The following PTPRM variants were observed in gnomAD, a reference collection of about 807,000 sequenced individuals.
PTPRM encodes the protein receptor-type tyrosine-protein phosphatase mu.
A neutral mutation model predicts 186.7 loss-of-function variants in PTPRM; 47 were observed. The ratio of observed to expected loss-of-function variants is 0.25; its 90% CI spans 0.20 to 0.32. The LOEUF is 0.32. PTPRM is among the 10% of genes least tolerant of loss of function. The pLI, the probability that PTPRM is intolerant of heterozygous loss-of-function variation, is 1.00. For synonymous variants in PTPRM, 668 were observed against 674.9 expected, an observed-to-expected ratio of 0.99 and a Z score of 0.16; for missense variants, 1,494 against 1,865.0, an observed-to-expected ratio of 0.80 and a Z score of 3.66.
intron 3 of PTPRM, among the ~76,000 whole-genome samples, chr18:7,898,459 T>C (rs745963551): frequency 1.3e-5 from 2 of 152,202 alleles, no homozygotes; most frequent in Non-Finnish European, 2.9e-5. Flanking sequence ...GAGGCTGTGG[T>C]GTTAAACTGC....
At chr18:8,008,471 A>G in intron 7 of PTPRM, among the ~76,000 whole-genome samples, 1 of 152,196 alleles carries the variant, frequency 6.6e-6, no homozygotes, top group Non-Finnish European at 1.5e-5. Flanking sequence ...TTATGAATAG[A>G]TAATTAAAGA....
intron 1 of PTPRM, among the ~76,000 whole-genome samples, chr18:7,603,471 G>C (rs2037456673): frequency 6.6e-6 from 1 of 152,204 alleles, no homozygotes; most frequent in South Asian, 2.1e-4. Flanking sequence ...GTTTGGCCTT[G>C]ACTCTTCTTC....
At chr18:8,039,620 A>C (rs2148147146) in intron 7 of PTPRM, among the ~76,000 whole-genome samples, 1 of 152,306 alleles carries the variant, frequency 6.6e-6, no homozygotes, top group Admixed American at 6.5e-5. Context: ...GGCTACGTTA[A>C]GCAAAATGAT....
At chr18:7,640,260 T>C (rs180679305) in intron 1 of PTPRM, among the ~76,000 whole-genome samples, 5 of 152,294 alleles carry the variant, frequency 3.3e-5, no homozygotes, top group African/African-American at 1.2e-4. Context: ...GAAAGAAACT[T>C]CCAGTGTCCA....
At chr18:7,603,015 C>T (rs1259463580) in intron 1 of PTPRM, among the ~76,000 whole-genome samples, 1 of 151,380 alleles carries the variant, frequency 6.6e-6, no homozygotes. Flanking sequence ...ACAAGCTCCA[C>T]CTCCTGGGTT....
intron 1 of PTPRM, among the ~76,000 whole-genome samples, chr18:7,623,000 C>A (rs895330349): frequency 2.0e-5 from 3 of 152,056 alleles, no homozygotes; most frequent in African/African-American, 7.2e-5. Flanking sequence ...CTTTCCATTT[C>A]TGATTTTTCT....
intron 1 of PTPRM, among the ~76,000 whole-genome samples, chr18:7,572,074 A>C (rs1056135352): frequency 6.6e-6 from 1 of 152,228 alleles, no homozygotes; most frequent in Non-Finnish European, 1.5e-5. Flanking sequence ...AGCATGAAAG[A>C]AATATGCTAA....
chr18:7,884,951 AGG>A lies in PTPRM; in HGVS notation c.197-3154_197-3153del, dbSNP rs1491417651. ...AAAAAAAAAAAAAAAAAAAAAAAAA[AGG>A]AGAGAGAGAAAATAGCAGATCTTGT... On this transcript the variant is annotated intron_variant, in intron 2 of 32. Transcript: ENST00000580170. 3.6e-3 allele frequency among the ~76,000 whole-genome samples: 532 copies of A among 145,854 alleles called. 1 individual carries two copies. The highest frequency in any genetic ancestry group is 7.5e-3 in the Middle Eastern group (2 of 268).
intron 14 of PTPRM, among the ~76,000 whole-genome samples, chr18:8,222,994 G>A (rs1412601346): frequency 6.6e-6 from 1 of 152,078 alleles, no homozygotes; most frequent in Non-Finnish European, 1.5e-5. Flanking sequence ...AGGCTGAGAC[G>A]GGCAGATCAC....
At chr18:7,730,661 A>G (rs1413613592) in intron 1 of PTPRM, among the ~76,000 whole-genome samples, 1 of 152,194 alleles carries the variant, frequency 6.6e-6, no homozygotes, top group Non-Finnish European at 1.5e-5. Flanking sequence ...TGAAATTTCT[A>G]TACCAGTGCC....
chr18:7,687,993 G>C (rs2039645244), intron 1 of PTPRM, among the ~76,000 whole-genome samples: 1 of 151,990 alleles, frequency 6.6e-6, no homozygotes, highest in Admixed American at 6.6e-5. Flanking sequence ...GGCCAGGATG[G>C]TCTCGATCTC....
At chr18:8,086,382 T>G (rs1419484374) in intron 10 of PTPRM, among the ~76,000 whole-genome samples, 4 of 152,144 alleles carry the variant, frequency 2.6e-5, no homozygotes, top group African/African-American at 4.8e-5. Context: ...GACTTAATTA[T>G]GCCATCTAAC....
chr18:8,068,405 A>G (rs1381037035), intron 7 of PTPRM, among the ~76,000 whole-genome samples: 1 of 152,212 alleles, frequency 6.6e-6, no homozygotes, highest in Non-Finnish European at 1.5e-5. Flanking sequence ...AGTGCATGGT[A>G]CATTATAAGT....
chr18:7,762,089 A>G (rs908974891), intron 1 of PTPRM, among the ~76,000 whole-genome samples: 3 of 152,188 alleles, frequency 2.0e-5, no homozygotes, highest in Admixed American at 6.5e-5. Flanking sequence ...TGAACAGAAC[A>G]TTGTCCTTGT....
intron 5 of PTPRM, among the ~76,000 whole-genome samples, chr18:7,938,428 G>C (rs1036706708): frequency 6.6e-6 from 1 of 152,158 alleles, no homozygotes; most frequent in African/African-American, 2.4e-5. Context: ...CCCCATACTA[G>C]AGTGCTATAA....
At chr18:7,968,329 C>T (rs2054289222) in intron 7 of PTPRM, among the ~76,000 whole-genome samples, 1 of 147,392 alleles carries the variant, frequency 6.8e-6, no homozygotes, top group African/African-American at 2.6e-5. Context: ...AAAGGAACAA[C>T]TGGTACCAGC....
At chr18:7,641,169 C>T (rs1254981680) in intron 1 of PTPRM, among the ~76,000 whole-genome samples, 1 of 152,158 alleles carries the variant, frequency 6.6e-6, no homozygotes, top group Non-Finnish European at 1.5e-5. Context: ...GAAAGGTCCC[C>T]ACACATTCCA....
intron 1 of PTPRM, among the ~76,000 whole-genome samples, chr18:7,773,547 ACTTT>A (rs1312461895): frequency 2.0e-5 from 3 of 147,048 alleles, no homozygotes; most frequent in East Asian, 2.0e-4. Flanking sequence ...CTTAGGTCTT[ACTTT>A]CTTTTTTTTC....
intron 2 of PTPRM, among the ~76,000 whole-genome samples, chr18:7,832,731 G>T (rs1448236849): frequency 1.3e-5 from 2 of 152,136 alleles, no homozygotes; most frequent in African/African-American, 4.8e-5. Flanking sequence ...ATGTTTTATT[G>T]TAGTAGTTCT....
Sources: allele counts gnomAD v4.1 joint callset (sites outside exome capture counted in the v4.1 genomes callset), GRCh38; gene constraint gnomAD v4.1.1; transcripts MANE v1.5; gene names NCBI Gene and HGNC (gene_info 2026-07-23, HGNC 2026-07-21).